The following RANBP2 variants were observed in gnomAD, a reference collection of about 807,000 sequenced individuals.
RANBP2 encodes the protein RAN binding protein 2.
In RANBP2, 57 loss-of-function variants were observed where a neutral mutation model predicts 303.6. The ratio of observed to expected loss-of-function variants is 0.19; its 90% CI spans 0.15 to 0.23. The LOEUF (loss-of-function observed/expected upper bound fraction) is 0.23, where lower values mean the gene tolerates loss of function less well. RANBP2 is among the 10% of genes least tolerant of loss of function. The probability of loss-of-function intolerance (pLI) is 1.00; values close to 1 mark genes in which losing one functional copy is unlikely to be tolerated. For synonymous variants in RANBP2, 1,167 were observed against 1,301.5 expected (o/e 0.90, Z 2.23); for missense variants, 3,138 against 3,780.8 (o/e 0.83, Z 4.46).
the RANBP2 span, among the ~76,000 whole-genome samples, chr2:109,642,642 G>A: frequency 7.0e-6 from 1 of 143,726 alleles, no homozygotes; most frequent in African/African-American, 2.6e-5. Context: ...AACAGAGCAA[G>A]ACTCCATCTC....
chr2:109,172,200 G>C, the RANBP2 span, among the ~76,000 whole-genome samples: 1 of 152,228 alleles, frequency 6.6e-6, no homozygotes, highest in African/African-American at 2.4e-5. Context: ...TCTCAGACCA[G>C]GGTCCTCTGG....
At chr2:108,812,773 C>T in the RANBP2 span, 1 of 1,611,220 alleles carries the variant, frequency 6.2e-7, no homozygotes, top group Non-Finnish European at 8.5e-7. Context: ...TGAGTTTACT[C>T]ATTTAGATAC....
At chr2:109,607,452 T>G in the RANBP2 span, among the ~76,000 whole-genome samples, 1 of 152,074 alleles carries the variant, frequency 6.6e-6, no homozygotes, top group Non-Finnish European at 1.5e-5. Flanking sequence ...TCTCTCCCCC[T>G]AAAGAGAGCA....
intron 23 of RANBP2, among the ~76,000 whole-genome samples, chr2:108,775,524 T>TA (rs1244342544): frequency 1.3e-5 from 2 of 152,200 alleles, no homozygotes; most frequent in Admixed American, 6.5e-5. Flanking sequence ...TTCCTGTTTT[T>TA]ATCCACCTTT....
chr2:109,424,547 A>G, the RANBP2 span, among the ~76,000 whole-genome samples: 9 of 152,206 alleles, frequency 5.9e-5, no homozygotes, highest in African/African-American at 1.9e-4. Context: ...ATTTTCCAAC[A>G]GCATGTGCTC....
the RANBP2 span, among the ~76,000 whole-genome samples, chr2:109,027,132 C>T: frequency 6.7e-6 from 1 of 150,324 alleles, no homozygotes; most frequent in Non-Finnish European, 1.5e-5. Flanking sequence ...ATAGCAGCTA[C>T]TTGGGAGGCT....
At chr2:109,222,113 G>A in the RANBP2 span, among the ~76,000 whole-genome samples, 1 of 152,126 alleles carries the variant, frequency 6.6e-6, no homozygotes. Context: ...GCAAATATTG[G>A]ACGATCTCAC....
At chr2:109,199,096 A>G in the RANBP2 span, among the ~76,000 whole-genome samples, 1 of 152,018 alleles carries the variant, frequency 6.6e-6, no homozygotes, top group Non-Finnish European at 1.5e-5. Flanking sequence ...ATGGTGGTTC[A>G]TGCCTGTAAT....
the RANBP2 span, among the ~76,000 whole-genome samples, chr2:109,204,854 G>C: frequency 6.6e-6 from 1 of 152,136 alleles, no homozygotes; most frequent in Non-Finnish European, 1.5e-5. Context: ...GTGGAAGTGG[G>C]GGCTAAACTA....
the RANBP2 span, among the ~76,000 whole-genome samples, chr2:109,520,598 CAAAAAAAA>C: frequency 7.0e-4 from 35 of 50,108 alleles, no homozygotes; most frequent in African/African-American, 9.2e-4. Context: ...GACTCCATCT[CAAAAAAAA>C]AAAAAAAAAA....
the RANBP2 span, among the ~76,000 whole-genome samples, chr2:109,435,770 T>G: frequency 6.6e-6 from 1 of 152,248 alleles, no homozygotes; most frequent in Non-Finnish European, 1.5e-5. Context: ...CTTTATTTAG[T>G]TTTTAAAAAT....
At chr2:108,856,704 T>C in the RANBP2 span, 6 of 1,211,614 alleles carry the variant, frequency 5.0e-6, no homozygotes, top group African/African-American at 1.6e-5. Context: ...TTGAGTTTGT[T>C]AAAGTAACGA....
the RANBP2 span, among the ~76,000 whole-genome samples, chr2:109,453,887 A>G: frequency 6.6e-6 from 1 of 152,158 alleles, no homozygotes; most frequent in Non-Finnish European, 1.5e-5. Context: ...GGTCAGCCTG[A>G]GCAGAGGCCA....
At chr2:109,495,437 G>C in the RANBP2 span, among the ~76,000 whole-genome samples, 1 of 150,018 alleles carries the variant, frequency 6.7e-6, no homozygotes, top group Non-Finnish European at 1.5e-5. Flanking sequence ...AGACACTCTG[G>C]GCCACCTACC....
chr2:109,321,167 GCTT>G, the RANBP2 span, among the ~76,000 whole-genome samples: 1 of 152,218 alleles, frequency 6.6e-6, no homozygotes, highest in African/African-American at 2.4e-5. Context: ...CCTCTCAAAC[GCTT>G]CTTTGCAGCT....
chr2:109,166,564 G>A, the RANBP2 span, among the ~76,000 whole-genome samples: 14 of 152,094 alleles, frequency 9.2e-5, no homozygotes, highest in African/African-American at 3.1e-4. Context: ...AGTCATGGAA[G>A]AGTCAGTAAG....
At chr2:109,427,240 A>G in the RANBP2 span, among the ~76,000 whole-genome samples, 2 of 152,302 alleles carry the variant, frequency 1.3e-5, no homozygotes, top group East Asian at 3.9e-4. Context: ...AAGTGCTGGG[A>G]TTACAGGCGT....
the RANBP2 span, among the ~76,000 whole-genome samples, chr2:109,440,371 C>G: frequency 6.6e-6 from 1 of 152,210 alleles, no homozygotes. Context: ...AAAGAAAGAC[C>G]CGCAGTGAAG....
chr2:109,419,429 G>A, the RANBP2 span: 4 of 1,163,278 alleles, frequency 3.4e-6, no homozygotes, highest in Non-Finnish European at 4.9e-6. Context: ...CAAACAGCCA[G>A]GCAGCTGGCG....
Sources: allele counts gnomAD v4.1 joint callset (sites outside exome capture counted in the v4.1 genomes callset), GRCh38; gene constraint gnomAD v4.1.1; transcripts MANE v1.5; gene names NCBI Gene and HGNC (gene_info 2026-07-23, HGNC 2026-07-21).